Variants in PDE7B observed in about 807,000 individuals in gnomAD.
PDE7B encodes the protein phosphodiesterase 7B, also known as 3',5'-cyclic-AMP phosphodiesterase 7B.
Under a neutral mutation model 56.2 loss-of-function variants are expected in PDE7B, and 29 were observed. That is an observed-to-expected ratio of 0.52 (90% confidence interval 0.38 to 0.70). PDE7B has a LOEUF of 0.70. Among genes scored for constraint, PDE7B ranks in the 30% least tolerant of loss-of-function variants. PDE7B has a pLI of 0.00. For missense variants in PDE7B, 490 were observed against 565.0 expected (o/e 0.87, Z 1.35); for synonymous variants, 197 against 196.9 (o/e 1.00, Z 0.00).
intron 2 of PDE7B, among the ~76,000 whole-genome samples, chr6:136,092,756 T>C (rs1777410126): frequency 6.6e-6 from 1 of 150,924 alleles, no homozygotes; most frequent in Admixed American, 6.6e-5. Context: ...AGCGAGACTG[T>C]CTCAAAAACA....
At chr6:135,924,069 G>A (rs1402546142) in intron 1 of PDE7B, among the ~76,000 whole-genome samples, 2 of 152,174 alleles carry the variant, frequency 1.3e-5, no homozygotes, top group African/African-American at 4.8e-5. Flanking sequence ...ATAGGAAGGT[G>A]CACAGGCAAT....
At chr6:135,881,359 A>T (rs895471305) in intron 1 of PDE7B, among the ~76,000 whole-genome samples, 2 of 145,962 alleles carry the variant, frequency 1.4e-5, no homozygotes, top group Non-Finnish European at 3.0e-5. Flanking sequence ...AAAAAAAAAA[A>T]TAGCTGGGTG....
At chr6:136,044,913 TTTC>T (rs1362263659) in intron 2 of PDE7B, 3 of 148,470 alleles carry the variant, frequency 2.0e-5, no homozygotes, top group Admixed American at 2.0e-4. Flanking sequence ...CTGCAAACAG[TTTC>T]TTTTTTCTTT....
At chr6:135,898,362 CTT>C (rs1273379805) in intron 1 of PDE7B, among the ~76,000 whole-genome samples, 2 of 152,170 alleles carry the variant, frequency 1.3e-5, no homozygotes, top group East Asian at 3.9e-4. Context: ...AAAACACAAA[CTT>C]TTTCTTTATT....
chr6:136,073,130 G>T (rs901421784), intron 2 of PDE7B, among the ~76,000 whole-genome samples: 10 of 152,176 alleles, frequency 6.6e-5, no homozygotes, highest in African/African-American at 2.4e-4. Context: ...GGCAGGGATG[G>T]CCATGCTGAA....
At chr6:136,023,800 A>T (rs1365726843) in intron 2 of PDE7B, among the ~76,000 whole-genome samples, 1 of 145,088 alleles carries the variant, frequency 6.9e-6, no homozygotes, top group Non-Finnish European at 1.6e-5. Flanking sequence ...AAATAGATAT[A>T]TCTATATATG....
In PDE7B at chr6:136,154,160, C is replaced by T. The variant is rs754452555; in HGVS notation, c.564C>T (p.Tyr188=). The T allele has an allele frequency of 6.2e-6, 10 of 1,611,426 alleles. No individual in the cohort carries two copies. Among genetic ancestry groups the T allele is most frequent in the Non-Finnish European group, 8.5e-6 (10 of 1,177,710 alleles). Residue 188 remains tyrosine (Y), a synonymous_variant, in exon 7 of 13, where the codon TAC becomes TAT. Coordinates refer to ENST00000308191, the MANE Select transcript of PDE7B (RefSeq NM_018945.4). ...AADVTQAMHC[Y]LKEPKLASFL... ...ACGTCACCCAGGCCATGCACTGCTA[C>T]CTGAAAGAGCCAAAGGTAAGACAAG... is the stretch of plus-strand genomic sequence containing the variant.
At position 135,943,575 on chromosome 6, in the gene PDE7B, C is replaced by T. The variant is rs193110376; in HGVS notation, c.22-3889C>T. On this transcript the variant is annotated intron_variant, in intron 1 of 12. Transcript: ENST00000308191. The stretch of plus-strand genomic sequence containing the variant: ...TATCCATCATTGGAGAAGAGTATTC[C>T]ATAGTGAGTGGTACTGCCTGTGCCT... 2.4e-4 allele frequency among the ~76,000 whole-genome samples: 36 copies of T among 152,276 alleles called. No homozygotes were observed. In the South Asian group the frequency reaches 5.0e-3, roughly 21 times the overall value.
chr6:135,956,165 T>C (rs1774789561), intron 2 of PDE7B, among the ~76,000 whole-genome samples: 2 of 151,712 alleles, frequency 1.3e-5, no homozygotes, highest in South Asian at 4.2e-4. Context: ...GGCAGAAAGA[T>C]AAAGGAAAAG....
In PDE7B at chr6:135,988,809, A is replaced by G. The variant is rs1467448875; in HGVS notation, c.82+41285A>G. 2.0e-5 allele frequency among the ~76,000 whole-genome samples: 3 copies of G among 152,294 alleles called. No homozygotes were observed. In the East Asian group the frequency reaches 5.8e-4, roughly 29 times the overall value. On this transcript the variant is annotated intron_variant, in intron 2 of 12. Transcript: ENST00000308191. Reference sequence around the variant, plus strand: ...TGCTTTGTTTTGTTTAGGGGCCTACATTTTGTTTATCACATGGCTGTATCT... The same window carrying G: ...TGCTTTGTTTTGTTTAGGGGCCTACGTTTTGTTTATCACATGGCTGTATCT...
chr6:136,157,789 G>A (rs1475493096), intron 8 of PDE7B, among the ~76,000 whole-genome samples: 1 of 152,166 alleles, frequency 6.6e-6, no homozygotes, highest in Non-Finnish European at 1.5e-5. Context: ...TAGCTGAGAT[G>A]AAAAGAGGGC....
chr6:136,143,340 AC>A (rs1778359911), intron 3 of PDE7B, among the ~76,000 whole-genome samples: 2 of 151,714 alleles, frequency 1.3e-5, no homozygotes, highest in South Asian at 4.2e-4. Context: ...ACACAGTGAT[AC>A]CCCCATGTCT....
chr6:136,193,769 A>G lies in PDE7B; in HGVS notation c.*1929A>G, dbSNP rs1006213071. 5 of 152,240 alleles carry G rather than the reference A, an allele frequency of 3.3e-5. No individual in the cohort carries two copies. The highest frequency in any genetic ancestry group is 2.1e-4 in the South Asian group (1 of 4,836). The allele number at this position is 152,240 out of a possible 1,614,324, so 9.4% of individuals were successfully genotyped here. A position where few individuals can be genotyped will look rare whatever the true frequency, so the allele number is the denominator to read the frequency against. On this transcript the variant is annotated 3_prime_UTR_variant, in exon 13 of 13. Transcript: ENST00000308191. Reference sequence around the variant, plus strand: ...ATGCAAAGGAAATACTGATTGGCCTATAATAAGTTCCTATAGGGAGACTGA... The same window carrying G: ...ATGCAAAGGAAATACTGATTGGCCTGTAATAAGTTCCTATAGGGAGACTGA...
At chr6:136,062,745 C>A (rs138187028) in intron 2 of PDE7B, among the ~76,000 whole-genome samples, 1 of 152,164 alleles carries the variant, frequency 6.6e-6, no homozygotes, top group African/African-American at 2.4e-5. Context: ...ATGCCCAGTT[C>A]GCCTGTGACC....
intron 2 of PDE7B, among the ~76,000 whole-genome samples, chr6:136,052,617 G>GACCCCCCCCCCCCCCCCC (rs1776650085): frequency 7.0e-6 from 1 of 142,794 alleles, no homozygotes; most frequent in Non-Finnish European, 1.5e-5. Flanking sequence ...TTAGGGTACA[G>GACCCCCCCCCCCCCCCCC]CCCCCCCCCA....
Position 136,147,473 on chromosome 6 carries a change from C to A in PDE7B, c.289C>A (p.Leu97Met). 6.2e-7 allele frequency: 1 copy of A among 1,613,898 alleles called. No homozygotes were observed. Among genetic ancestry groups the A allele is most frequent in the Non-Finnish European group, 8.5e-7 (1 of 1,179,844 alleles). Residue 97 changes from leucine (L) to methionine (M), a missense_variant, in exon 4 of 13, where the codon CTG (leucine) becomes ATG (methionine). Transcript: ENST00000308191. The part of the protein sequence containing the change: ...GIIPQAPLHL[L>M]DEDYLGQARH... ...TATACCACAAGCCCCTCTGCACCTG[C>A]TGGATGAAGACTACCTTGGACAAGC...
chr6:135,958,432 A>G (rs540243148), intron 2 of PDE7B, among the ~76,000 whole-genome samples: 1 of 152,232 alleles, frequency 6.6e-6, no homozygotes, highest in African/African-American at 2.4e-5. Flanking sequence ...TAGGCTTTCT[A>G]TTGGAAGGAG....
intron 2 of PDE7B, among the ~76,000 whole-genome samples, chr6:136,060,345 C>A (rs1005642242): frequency 6.6e-5 from 10 of 152,068 alleles, no homozygotes; most frequent in Non-Finnish European, 1.2e-4. Context: ...GTCTCCTCTG[C>A]CCTTTCTTCT....
At chr6:136,136,841 G>T (rs1310602221) in intron 3 of PDE7B, among the ~76,000 whole-genome samples, 2 of 151,500 alleles carry the variant, frequency 1.3e-5, no homozygotes, top group East Asian at 3.9e-4. Context: ...CTCAGAAAAT[G>T]ATTACAATGT....
Sources: gnomAD v4.1 joint callset for allele counts (sites outside exome capture counted in the v4.1 genomes callset) on GRCh38, gnomAD v4.1.1 for gene constraint, MANE v1.5 for transcripts, NCBI Gene and HGNC (gene_info 2026-07-23, HGNC 2026-07-21) for gene names.